USP6NL: variants seen among roughly 807,000 people sequenced by gnomAD.
USP6NL encodes the protein USP6 N-terminal-like protein.
USP6NL carries 26 observed loss-of-function variants against 61.9 expected under a neutral mutation model. The observed-to-expected ratio is 0.42, with a 90% CI of 0.31 to 0.58. USP6NL has a LOEUF of 0.58. USP6NL is among the 20% of genes least tolerant of loss of function. USP6NL has a pLI of 0.16. For synonymous variants in USP6NL, 432 were observed against 390.1 expected, an observed-to-expected ratio of 1.11 and a Z score of -1.27; for missense variants, 1,114 against 1,034.3, an observed-to-expected ratio of 1.08 and a Z score of -1.06.
intron 14 of USP6NL, among the ~76,000 whole-genome samples, 176 bp from the exon 15 acceptor site, chr10:11,464,025 G>C (rs905818165): frequency 6.6e-6 from 1 of 152,178 alleles, no homozygotes; most frequent in Non-Finnish European, 1.5e-5. Context: ...TTATACCACA[G>C]AAAGTTGGTA....
chr10:11,537,625 T>A lies in USP6NL; in HGVS notation c.5-10058A>T, dbSNP rs531802198. On this transcript the variant is annotated intron_variant, in intron 2 of 14. Transcript: ENST00000609104. The surrounding 1 kb of genome is among the most constrained non-coding windows in gnomAD (Gnocchi z 5.1). Reference sequence around the variant, plus strand: ...ATACTTTTTTATTTTTTCATTAAATTTGCAGAATACACTCTTCAAACAAAT... The same window carrying A: ...ATACTTTTTTATTTTTTCATTAAATATGCAGAATACACTCTTCAAACAAAT... 3.9e-5 allele frequency among the ~76,000 whole-genome samples: 6 copies of A among 152,352 alleles called. No individual in the cohort carries two copies. Among genetic ancestry groups the A allele is most frequent in the Admixed American group, 3.9e-4 (6 of 15,308 alleles).
intron 1 of USP6NL, among the ~76,000 whole-genome samples, chr10:11,599,612 T>C (rs1838442475): frequency 1.3e-5 from 2 of 152,216 alleles, no homozygotes; most frequent in African/African-American, 4.8e-5. Context: ...AATGCATGTT[T>C]TGGAATGTCA....
At position 11,562,301 on chromosome 10, in the gene USP6NL, G is replaced by A; in HGVS notation, c.5-34734C>T. ...AAAATTGCATTCCCAGGACCCCCCT[G>A]CAGCTAGCAGCAGCCATGTGACACA... On this transcript the variant is annotated intron_variant, in intron 2 of 14. Coordinates refer to ENST00000609104, the MANE Select transcript of USP6NL (RefSeq NM_014688.5). This position sits in a 1 kb window ranked among gnomAD's most constrained non-coding sequence, Gnocchi z 4.8. 1.2e-6 allele frequency: 1 copy of A among 803,870 alleles called. No individual in the cohort carries two copies. The highest frequency in any genetic ancestry group is 1.5e-6 in the Non-Finnish European group (1 of 664,608). 49.8% of individuals were successfully genotyped at this position (803,870 alleles called of 1,614,324 possible).
chr10:11,477,627 C>G (rs1833025666), intron 14 of USP6NL, among the ~76,000 whole-genome samples: 1 of 152,138 alleles, frequency 6.6e-6, no homozygotes. Flanking sequence ...TATAACCTGA[C>G]AACACACAGA....
At chr10:11,584,039 A>G (rs1439617040) in intron 2 of USP6NL, among the ~76,000 whole-genome samples, 2 of 151,652 alleles carry the variant, frequency 1.3e-5, no homozygotes, top group African/African-American at 4.9e-5. Context: ...AAAAAAAGAA[A>G]AGGAAAAAAA....
At chr10:11,536,307 T>A (rs1835830500) in intron 2 of USP6NL, among the ~76,000 whole-genome samples, 1 of 152,142 alleles carries the variant, frequency 6.6e-6, no homozygotes, top group Non-Finnish European at 1.5e-5. Flanking sequence ...GAAAAATAGC[T>A]CAGAGCAGTC....
rs966089890 is a variant in USP6NL at position 11,468,662 on chromosome 10, A to T, written c.1079-4813T>A. On this transcript the variant is annotated intron_variant, in intron 14 of 14. Coordinates refer to ENST00000609104, the MANE Select transcript of USP6NL (RefSeq NM_014688.5). The surrounding 1 kb of genome is among the most constrained non-coding windows in gnomAD (Gnocchi z 4.5). ...GGGAGTGGAGGGGAGGAGGTGTGGG[A>T]AAAATGCGGAACACCTTTGAGGAAA... 1.3e-5 allele frequency among the ~76,000 whole-genome samples: 2 copies of T among 152,256 alleles called. No homozygotes were observed. Among genetic ancestry groups the T allele is most frequent in the Non-Finnish European group, 1.5e-5 (1 of 68,036 alleles).
At position 11,511,175 on chromosome 10, in the gene USP6NL, C is replaced by G. The variant is rs923943806; in HGVS notation, c.196-1500G>C. On this transcript the variant is annotated intron_variant, in intron 5 of 14. Transcript: ENST00000609104. The surrounding 1 kb of genome is among the most constrained non-coding windows in gnomAD (Gnocchi z 4.9). ...TCTTAAAACTCTCAATTACCTAACTCTTTTTAAAATTTTTGATGGGTTTCT... is the reference window on the plus strand; with the variant it reads ...TCTTAAAACTCTCAATTACCTAACTGTTTTTAAAATTTTTGATGGGTTTCT... Among the ~76,000 whole-genome samples, 1 of 152,186 alleles carries G rather than the reference C, an allele frequency of 6.6e-6. No homozygotes were observed. Among genetic ancestry groups the G allele is most frequent in the Non-Finnish European group, 1.5e-5 (1 of 68,024 alleles).
intron 1 of USP6NL, among the ~76,000 whole-genome samples, chr10:11,603,455 T>C (rs1838614298): frequency 6.6e-6 from 1 of 152,202 alleles, no homozygotes; most frequent in Non-Finnish European, 1.5e-5. Flanking sequence ...AGATAAAAGT[T>C]AAAATGAAGG....
In USP6NL at chr10:11,499,204, GA is replaced by G. The variant is rs1194977398; in HGVS notation, c.384+1896del. Among the ~76,000 whole-genome samples the G allele has an allele frequency of 6.6e-6, 1 of 151,648 alleles. No homozygotes were observed. Among genetic ancestry groups the G allele is most frequent in the African/African-American group, 2.4e-5 (1 of 41,274 alleles). On this transcript the variant is annotated intron_variant, in intron 7 of 14. Coordinates refer to ENST00000609104, the MANE Select transcript of USP6NL (RefSeq NM_014688.5). The surrounding 1 kb of genome is among the most constrained non-coding windows in gnomAD (Gnocchi z 4.5). ...GAGAGAGAAAGAGTGGATGAGAAAG[GA>G]AAAAAAAGTTGGCTAAATAATGATG... is the stretch of plus-strand genomic sequence containing the variant.
chr10:11,531,130 T>A (rs1354729634), intron 2 of USP6NL, among the ~76,000 whole-genome samples: 1 of 152,196 alleles, frequency 6.6e-6, no homozygotes, highest in Non-Finnish European at 1.5e-5. Context: ...ATGTTTATGC[T>A]CTCGTTGCAT....
In USP6NL at chr10:11,511,160, C is replaced by T. The variant is rs1340744301; in HGVS notation, c.196-1485G>A. On this transcript the variant is annotated intron_variant, in intron 5 of 14. Coordinates refer to ENST00000609104, the MANE Select transcript of USP6NL (RefSeq NM_014688.5). The surrounding 1 kb of genome is among the most constrained non-coding windows in gnomAD (Gnocchi z 4.9). ...CAATTTTAGGCATATTCTTAAAACT[C>T]TCAATTACCTAACTCTTTTTAAAAT... Among the ~76,000 whole-genome samples, 1 of 152,168 alleles carries T rather than the reference C, an allele frequency of 6.6e-6. No individual in the cohort carries two copies. The highest frequency in any genetic ancestry group is 6.5e-5 in the Admixed American group (1 of 15,282).
At position 11,489,060 on chromosome 10, in the gene USP6NL, T is replaced by C. The variant is rs778938421; in HGVS notation, c.664+42A>G. 4 of 1,603,508 alleles carry C rather than the reference T, an allele frequency of 2.5e-6. No individual in the cohort carries two copies. In the Admixed American group the frequency reaches 5.1e-5, roughly 20 times the overall value. The stretch of plus-strand genomic sequence containing the variant: ...TTGGTTTTGTTTTAATCTACTTTTT[T>C]CCCTACCTTGATTGTTTAGATAAAG... On this transcript the variant is annotated intron_variant, in intron 10 of 14. Coordinates refer to ENST00000609104, the MANE Select transcript of USP6NL (RefSeq NM_014688.5). This position sits in a 1 kb window ranked among gnomAD's most constrained non-coding sequence, Gnocchi z 5.7.
chr10:11,482,061 A>C lies in USP6NL; in HGVS notation c.926-139T>G. On this transcript the variant is annotated intron_variant, in intron 13 of 14. Transcript: ENST00000609104. The surrounding 1 kb of genome is among the most constrained non-coding windows in gnomAD (Gnocchi z 4.0). Reference sequence around the variant, plus strand: ...ATACAACTTACATATGGCATTGAGGACATCATTAAAACTCAGTAAGACAAA... The same window carrying C: ...ATACAACTTACATATGGCATTGAGGCCATCATTAAAACTCAGTAAGACAAA... The C allele has an allele frequency of 1.2e-6, 1 of 833,976 alleles. No individual in the cohort carries two copies. Among genetic ancestry groups the C allele is most frequent in the Non-Finnish European group, 1.7e-6 (1 of 578,114 alleles). The allele number at this position is 833,976 out of a possible 1,614,324, so 51.7% of individuals were successfully genotyped here. A position where few individuals can be genotyped will look rare whatever the true frequency, so the allele number is the denominator to read the frequency against.
rs1241972079 is a variant in USP6NL, at chr10:11,587,987, G to C, written c.4+9644C>G. On this transcript the variant is annotated intron_variant, in intron 2 of 14. Coordinates refer to ENST00000609104, the MANE Select transcript of USP6NL (RefSeq NM_014688.5). The surrounding 1 kb of genome is among the most constrained non-coding windows in gnomAD (Gnocchi z 4.5). ...AACAGCTAAACGTGAAGGAAATCTA[G>C]AGATCACCAGGCAGTCTTCCTTTCT... 6.6e-6 allele frequency among the ~76,000 whole-genome samples: 1 copy of C among 152,196 alleles called. No homozygotes were observed. The highest frequency in any genetic ancestry group is 6.5e-5 in the Admixed American group (1 of 15,270).
intron 2 of USP6NL, among the ~76,000 whole-genome samples, chr10:11,572,471 C>T (rs1837397630): frequency 6.6e-6 from 1 of 151,874 alleles, no homozygotes; most frequent in African/African-American, 2.4e-5. Context: ...TTAAATACCA[C>T]ATTCTTCCAC....
intron 4 of USP6NL, among the ~76,000 whole-genome samples, chr10:11,522,171 C>T (rs1005273343): frequency 1.3e-5 from 2 of 152,198 alleles, no homozygotes; most frequent in African/African-American, 2.4e-5. Context: ...TTGTTAATTA[C>T]TGTCACTCCA....
chr10:11,560,744 C>T (rs973155097), intron 2 of USP6NL, among the ~76,000 whole-genome samples: 2 of 140,694 alleles, frequency 1.4e-5, no homozygotes, highest in Non-Finnish European at 3.1e-5. Context: ...ATTCAAACAA[C>T]AATACAGTTT....
rs1346656089 is a variant in USP6NL, at chr10:11,600,402, C to T, written c.-83-2685G>A. Among the ~76,000 whole-genome samples the T allele has an allele frequency of 2.0e-5, 3 of 152,102 alleles. No homozygotes were observed. The highest frequency in any genetic ancestry group is 1.3e-4 in the Admixed American group (2 of 15,268). On this transcript the variant is annotated intron_variant, in intron 1 of 14. Coordinates refer to ENST00000609104, the MANE Select transcript of USP6NL (RefSeq NM_014688.5). The surrounding 1 kb of genome is among the most constrained non-coding windows in gnomAD (Gnocchi z 4.1). ...AAATAACCTAACATGTAACTGAAGC[C>T]AACCCACATCTTACAGCCAAACCCA...
Sources: gnomAD v4.1 joint callset for allele counts (sites outside exome capture counted in the v4.1 genomes callset) on GRCh38, gnomAD v4.1.1 for gene constraint, Gnocchi (gnomAD v3.1) non-coding constraint, MANE v1.5 for transcripts, NCBI Gene and HGNC (gene_info 2026-07-23, HGNC 2026-07-21) for gene names.